The following SNX13 variants were observed in gnomAD, a reference collection of about 807,000 sequenced individuals.
SNX13 encodes sorting nexin-13.
Under a neutral mutation model 133.6 loss-of-function variants are expected in SNX13, and 45 were observed. The observed-to-expected ratio is 0.34, with a 90% CI of 0.27 to 0.43. The LOEUF (loss-of-function observed/expected upper bound fraction) is 0.43, where lower values mean the gene tolerates loss of function less well. Among genes scored for constraint, SNX13 ranks in the 20% least tolerant of loss-of-function variants. The pLI, the probability that SNX13 is intolerant of heterozygous loss-of-function variation, is 1.00. For missense variants in SNX13, 1,032 were observed against 1,145.1 expected, an observed-to-expected ratio of 0.90 and a Z score of 1.43; for synonymous variants, 414 against 373.9, an observed-to-expected ratio of 1.11 and a Z score of -1.24.
intron 8 of SNX13, among the ~76,000 whole-genome samples, chr7:17,869,377 A>G (rs1793775872): frequency 6.6e-6 from 1 of 152,160 alleles, no homozygotes; most frequent in Admixed American, 6.5e-5. Flanking sequence ...CATTTGATAA[A>G]TGAGTAGAAA....
intron 5 of SNX13, among the ~76,000 whole-genome samples, chr7:17,884,259 G>A (rs1795714370): frequency 6.6e-6 from 1 of 152,136 alleles, no homozygotes; most frequent in African/African-American, 2.4e-5. Context: ...GTGATCTTTG[G>A]ATTGTGGGTC....
chr7:17,915,616 TG>T (rs1799467260), intron 1 of SNX13, among the ~76,000 whole-genome samples: 2 of 150,918 alleles, frequency 1.3e-5, no homozygotes, highest in African/African-American at 2.5e-5. Context: ...TGTCTCTGTC[TG>T]TCTGTCTGTC....
intron 9 of SNX13, among the ~76,000 whole-genome samples, chr7:17,858,780 CAGAAA>C (rs1792252767): frequency 1.3e-5 from 2 of 151,938 alleles, no homozygotes; most frequent in African/African-American, 2.4e-5. Context: ...AAGAGAGCAA[CAGAAA>C]AGAAGAGGCC....
rs186113969 is a variant in SNX13 at position 17,912,617 on chromosome 7, G to A, written c.13-15171C>T. 2.3e-3 allele frequency among the ~76,000 whole-genome samples: 344 copies of A among 152,148 alleles called. 2 individuals are homozygous for A. Among genetic ancestry groups the A allele is most frequent in the Middle Eastern group, 0.01 (3 of 294 alleles). Reference sequence around the variant, plus strand: ...GTAGAGACGGGGTTTACACCATGTTGGCCAGGCTGGTCTTGAACTTCTGAC... The same window carrying A: ...GTAGAGACGGGGTTTACACCATGTTAGCCAGGCTGGTCTTGAACTTCTGAC... On this transcript the variant is annotated intron_variant, in intron 1 of 25. Transcript: ENST00000428135.
At chr7:17,826,683 A>T (rs1787949980) in intron 16 of SNX13, among the ~76,000 whole-genome samples, 1 of 152,148 alleles carries the variant, frequency 6.6e-6, no homozygotes, top group African/African-American at 2.4e-5. Context: ...ACTATGATAG[A>T]TTTTAAATGA....
intron 1 of SNX13, among the ~76,000 whole-genome samples, chr7:17,928,911 C>T (rs1339878198): frequency 6.6e-6 from 1 of 152,110 alleles, no homozygotes. Flanking sequence ...GAAAATTATA[C>T]TGGGCTCTAC....
chr7:17,855,791 T>C (rs1428588571), intron 9 of SNX13, among the ~76,000 whole-genome samples: 2 of 152,238 alleles, frequency 1.3e-5, no homozygotes, highest in Non-Finnish European at 1.5e-5. Context: ...ACAATATCCA[T>C]TGTGCAGCCC....
Position 17,893,352 on chromosome 7 carries a change from T to A in SNX13, c.208A>T (p.Thr70Ser), listed in dbSNP as rs376424127. ...TTTACCTTAGGAACCCCAGGTGATGTTGGAGGAAGAAATGAGTGTTCACAC... is the reference window on the plus strand; with the variant it reads ...TTTACCTTAGGAACCCCAGGTGATGATGGAGGAAGAAATGAGTGTTCACAC... ...EQCEHSFLPP[T>S]SPGVPKCLEE... The change falls in exon 3 of 26, where the codon ACA becomes TCA. Residue 70 changes from threonine (T) to serine (S), a missense_variant. Physicochemically the swap from Thr to Ser is moderately conservative, Grantham distance 58 (BLOSUM62 1). Transcript: ENST00000428135. 1.3e-6 allele frequency: 2 copies of A among 1,574,734 alleles called. No individual in the cohort carries two copies. Among genetic ancestry groups the A allele is most frequent in the Non-Finnish European group, 1.7e-6 (2 of 1,158,234 alleles).
intron 12 of SNX13, 85 bp downstream of exon 12, chr7:17,845,510 T>TA: frequency 5.1e-6 from 4 of 786,766 alleles, no homozygotes; most frequent in Non-Finnish European, 8.1e-6. Flanking sequence ...ATAGTTGAGA[T>TA]ACTAAATTTT....
intron 1 of SNX13, among the ~76,000 whole-genome samples, chr7:17,918,623 T>A (rs1458523196): frequency 6.6e-6 from 1 of 152,154 alleles, no homozygotes; most frequent in Admixed American, 6.5e-5. Flanking sequence ...TTTGTGAGGT[T>A]ATGGAGAAAA....
At chr7:17,834,721 T>A in intron 14 of SNX13, 40 bp downstream of exon 14, 1 of 1,350,124 alleles carries the variant, frequency 7.4e-7, no homozygotes, top group Non-Finnish European at 1.0e-6. Flanking sequence ...GTATTTTTTC[T>A]CAAAAAAGAT....
At chr7:17,918,065 A>C (rs1243861114) in intron 1 of SNX13, among the ~76,000 whole-genome samples, 1 of 152,190 alleles carries the variant, frequency 6.6e-6, no homozygotes, top group African/African-American at 2.4e-5. Flanking sequence ...AGGACCTCCT[A>C]GTCAATAAAC....
intron 17 of SNX13, among the ~76,000 whole-genome samples, chr7:17,824,932 G>C (rs1227809865): frequency 1.3e-5 from 2 of 151,948 alleles, no homozygotes; most frequent in East Asian, 3.9e-4. Context: ...ACCACGCCCA[G>C]CTAATTTTTG....
At chr7:17,839,168 CTA>C (rs992442715) in intron 13 of SNX13, among the ~76,000 whole-genome samples, 4 of 148,740 alleles carry the variant, frequency 2.7e-5, no homozygotes, top group African/African-American at 9.8e-5. Context: ...AAAATATATT[CTA>C]TAGACGCTAT....
At chr7:17,922,052 C>A (rs1363015188) in intron 1 of SNX13, among the ~76,000 whole-genome samples, 2 of 152,228 alleles carry the variant, frequency 1.3e-5, no homozygotes, top group Non-Finnish European at 2.9e-5. Context: ...TACTCACTTT[C>A]CTATCTAGAT....
At chr7:17,794,577 T>C (rs553660970) in intron 25 of SNX13, 1 of 299,070 alleles carries the variant, frequency 3.3e-6, no homozygotes, top group South Asian at 6.1e-5. Context: ...ATTACAAACA[T>C]GTCCCTTAAT....
chr7:17,913,517 TA>T (rs1271864549), intron 1 of SNX13, among the ~76,000 whole-genome samples: 1 of 152,142 alleles, frequency 6.6e-6, no homozygotes, highest in African/African-American at 2.4e-5. Context: ...AAGTGCCACC[TA>T]CTGGACTGCA....
intron 18 of SNX13, among the ~76,000 whole-genome samples, chr7:17,818,067 C>A (rs897101501): frequency 2.0e-5 from 3 of 152,172 alleles, no homozygotes; most frequent in African/African-American, 7.2e-5. Context: ...TAAGAGACAA[C>A]AGGAATGCAT....
At position 17,882,851 on chromosome 7, in the gene SNX13, G is replaced by A. The variant is rs998147224; in HGVS notation, c.441-7061C>T. On this transcript the variant is annotated intron_variant, in intron 5 of 25. Transcript: ENST00000428135. ...TTCTAGGAGACACAGTGAGACCAAG[G>A]TTTTGTTAAACAAAACAGGGTTCCA... The A allele has an allele frequency of 3.1e-6, 4 of 1,285,032 alleles. No homozygotes were observed. The South Asian group carries it at 3.8e-5, about 12-fold the overall frequency. 79.6% of individuals were successfully genotyped at this position (1,285,032 alleles called of 1,614,324 possible).
Sources: gnomAD v4.1 joint callset for allele counts (sites outside exome capture counted in the v4.1 genomes callset) on GRCh38, gnomAD v4.1.1 for gene constraint, MANE v1.5 for transcripts, NCBI Gene and HGNC (gene_info 2026-07-23, HGNC 2026-07-21) for gene names.